Variants in GDF10 observed in about 807,000 individuals in gnomAD.
The protein encoded by GDF10 is growth differentiation factor 10, also known as growth/differentiation factor 10.
A neutral mutation model predicts 32.1 loss-of-function variants in GDF10; 23 were observed. The observed-to-expected ratio is 0.72, with a 90% CI of 0.52 to 1.02. The LOEUF (loss-of-function observed/expected upper bound fraction) is 1.02. GDF10 is among the 50% of genes least tolerant of loss of function. GDF10 has a pLI of 0.00. For missense variants in GDF10, 764 were observed against 673.9 expected (o/e 1.13, Z -1.48); for synonymous variants, 328 against 303.1 (o/e 1.08, Z -0.85).
chr10:47,311,018 G>A (rs888252325), intron 2 of GDF10, among the ~76,000 whole-genome samples: 1 of 152,168 alleles, frequency 6.6e-6, no homozygotes, highest in South Asian at 2.1e-4. Flanking sequence ...CTTTAGAAAC[G>A]CATCCCCACA....
At chr10:47,301,097 A>G (rs868983089) in intron 1 of GDF10, 127 bp downstream of exon 1, 5 of 648,036 alleles carry the variant, frequency 7.7e-6, no homozygotes, top group Non-Finnish European at 1.2e-5. Flanking sequence ...TCATTCTTTC[A>G]CTAATGATTC....
chr10:47,307,095 G>A (rs1303221199), intron 1 of GDF10, among the ~76,000 whole-genome samples: 4 of 152,020 alleles, frequency 2.6e-5, no homozygotes, highest in African/African-American at 9.7e-5. Flanking sequence ...TTACCAGTCT[G>A]TCTCCCCTCT....
At chr10:47,304,395 G>A (rs1353845316) in intron 1 of GDF10, among the ~76,000 whole-genome samples, 1 of 128,018 alleles carries the variant, frequency 7.8e-6, no homozygotes, top group South Asian at 3.3e-4. Flanking sequence ...AGGAGAGAGG[G>A]AGAGAGAGGG....
chr10:47,309,576 A>C (rs1436435560), intron 1 of GDF10, among the ~76,000 whole-genome samples: 1 of 152,166 alleles, frequency 6.6e-6, no homozygotes, highest in Non-Finnish European at 1.5e-5. Flanking sequence ...CGGGATATTG[A>C]CAATCTCAAC....
chr10:47,304,260 A>G (rs1555207036), intron 1 of GDF10, among the ~76,000 whole-genome samples: 1 of 152,172 alleles, frequency 6.6e-6, no homozygotes, highest in Non-Finnish European at 1.5e-5. Context: ...CAAGCAGGCC[A>G]TGGAGAGCCA....
intron 1 of GDF10, among the ~76,000 whole-genome samples, chr10:47,308,368 A>C (rs890256684): frequency 2.0e-5 from 3 of 152,144 alleles, no homozygotes; most frequent in Non-Finnish European, 4.4e-5. Context: ...GTTTGTTGTG[A>C]GGATTAAATA....
At chr10:47,301,037 A>C in intron 1 of GDF10, 67 bp downstream of exon 1, 1 of 1,052,534 alleles carries the variant, frequency 9.5e-7, no homozygotes, top group South Asian at 1.8e-5. Context: ...CTGTCTCCCC[A>C]CCCGTGCACC....
At chr10:47,312,541 TG>T in intron 2 of GDF10, 59 bp from the exon 3 acceptor site, 1 of 1,055,472 alleles carries the variant, frequency 9.5e-7, no homozygotes, top group Non-Finnish European at 1.4e-6. Context: ...GAGGATGGCA[TG>T]GGTGCGTGGG....
At chr10:47,303,169 C>A (rs1264981421) in intron 1 of GDF10, among the ~76,000 whole-genome samples, 1 of 152,184 alleles carries the variant, frequency 6.6e-6, no homozygotes, top group South Asian at 2.1e-4. Flanking sequence ...TGGGCAGGGA[C>A]CCTTCTCTCA....
At chr10:47,306,587 A>C (rs2061023821) in intron 1 of GDF10, among the ~76,000 whole-genome samples, 1 of 152,174 alleles carries the variant, frequency 6.6e-6, no homozygotes, top group Non-Finnish European at 1.5e-5. Context: ...GTTAGAGTTT[A>C]TGTTTTAGGA....
rs199534890 is a variant in GDF10, at chr10:47,310,335, C to T, written c.859C>T (p.Arg287Cys). The T allele has an allele frequency of 1.2e-6, 2 of 1,605,348 alleles. No homozygotes were observed. The highest frequency in any genetic ancestry group is 1.3e-5 in the African/African-American group (1 of 74,938). Residue 287 changes from arginine to cysteine, a missense_variant, in exon 2 of 3, where the codon CGC (arginine) becomes TGC (cysteine). Transcript: ENST00000580279. ...RAAPNNSADP[R>C]VRRAAQATGP... ...AGCCCCCAACAACTCAGCGGACCCC[C>T]GCGTGCGCCGAGCCGCGCAGGCCAC...
rs1555207419 is a variant in GDF10, at chr10:47,309,902, G to T, written c.426G>T (p.Trp142Cys). 1.2e-6 allele frequency: 2 copies of T among 1,612,846 alleles called. No individual in the cohort carries two copies. The highest frequency in any genetic ancestry group is 1.7e-6 in the Non-Finnish European group (2 of 1,179,752). The change falls in exon 2 of 3, where the codon TGG becomes TGT. Residue 142 changes from tryptophan to cysteine, a missense_variant. Transcript: ENST00000580279. ...TFHFYSEPPRWPRALEVLCKP... is the reference protein window; with the variant it reads ...TFHFYSEPPRCPRALEVLCKP... ...ACTTCTACTCAGAGCCGCCTCGGTG[G>T]CCTCGAGCGCTCGAGGTGCTATGCA... is the stretch of plus-strand genomic sequence containing the variant.
chr10:47,310,889 C>T, intron 2 of GDF10, 168 bp downstream of exon 2: 3 of 598,956 alleles, frequency 5.0e-6, no homozygotes, highest in East Asian at 2.8e-5. Flanking sequence ...AAGTGGCAGC[C>T]CGTAGGGTAG....
intron 2 of GDF10, among the ~76,000 whole-genome samples, chr10:47,312,019 C>G (rs1588846457): frequency 6.6e-6 from 1 of 152,322 alleles, no homozygotes; most frequent in East Asian, 1.9e-4. Flanking sequence ...ACCTCGGTGT[C>G]TTCCCAGTAA....
rs782454884 is a variant in GDF10 at position 47,300,761 on chromosome 10, C to T, written c.110C>T (p.Ala37Val). ...CGGGATGTGGCCGGCAGCCACAGGG[C>T]CCCCGCCTGGTCCGCACTGCCCGCG... ...LLRDVAGSHR[A>V]PAWSALPAAA... The change falls in exon 1 of 3, where the codon GCC (alanine) becomes GTC (valine). Residue 37 changes from alanine (A) to valine (V), a missense_variant. Physicochemically the swap from Ala to Val is moderately conservative, Grantham distance 64. Coordinates refer to ENST00000580279, the MANE Select transcript of GDF10 (RefSeq NM_004962.5). The T allele has an allele frequency of 5.1e-6, 8 of 1,569,242 alleles. No homozygotes were observed. In the South Asian group the frequency reaches 5.7e-5, roughly 11 times the overall value.
chr10:47,308,679 C>A (rs1278557313), intron 1 of GDF10, among the ~76,000 whole-genome samples: 1 of 152,120 alleles, frequency 6.6e-6, no homozygotes, highest in Non-Finnish European at 1.5e-5. Flanking sequence ...CTGCTCCTCT[C>A]CAGACGTTCC....
At position 47,310,442 on chromosome 10, in the gene GDF10, G is replaced by A. The variant is rs147480354; in HGVS notation, c.966G>A (p.Gln322=). 2.8e-5 allele frequency: 45 copies of A among 1,613,460 alleles called. No individual in the cohort carries two copies. In the African/African-American group the frequency reaches 5.5e-4, roughly 20 times the overall value. ...RAHAQHFHKH[Q]LWPSPFRALK... ...ACGCACAGCACTTCCACAAGCACCA[G>A]CTGTGGCCCAGCCCCTTCCGGGCGC... Residue 322 remains glutamine, a synonymous_variant, in exon 2 of 3, where the codon CAG becomes CAA. Coordinates refer to ENST00000580279, the MANE Select transcript of GDF10 (RefSeq NM_004962.5).
intron 2 of GDF10, 86 bp downstream of exon 2, chr10:47,310,807 C>T: frequency 2.3e-6 from 2 of 888,254 alleles, no homozygotes; most frequent in East Asian, 2.4e-5. Flanking sequence ...ACTTCTGTTT[C>T]CCCATCTGCA....
rs782350182 is a variant in GDF10, at chr10:47,312,882, C to T, written c.*90C>T. 1.0e-5 allele frequency: 8 copies of T among 791,726 alleles called. No homozygotes were observed. Among genetic ancestry groups the T allele is most frequent in the Non-Finnish European group, 1.6e-5 (8 of 505,386 alleles). 49.0% of individuals were successfully genotyped at this position (791,726 alleles called of 1,614,324 possible). A position where few individuals can be genotyped will look rare whatever the true frequency, so the allele number is the denominator to read the frequency against. ...AGGACTTGTGGTGCAGCTGCAGACA[C>T]AGAGCACAGCTCATGGGCAACATCA... On this transcript the variant is annotated 3_prime_UTR_variant, in exon 3 of 3. Coordinates refer to ENST00000580279, the MANE Select transcript of GDF10 (RefSeq NM_004962.5).
Sources: gnomAD v4.1 joint callset for allele counts (sites outside exome capture counted in the v4.1 genomes callset) on GRCh38, gnomAD v4.1.1 for gene constraint, MANE v1.5 for transcripts, NCBI Gene and HGNC (gene_info 2026-07-23, HGNC 2026-07-21) for gene names.